The following MDFIC2 variants were observed in gnomAD, a reference collection of about 807,000 sequenced individuals.
The protein encoded by MDFIC2 is myoD family inhibitor domain-containing protein 2.
At chr3:70,248,748 C>G (rs1701731771) in intron 2 of MDFIC2, among the ~76,000 whole-genome samples, 1 of 152,040 alleles carries the variant, frequency 6.6e-6, no homozygotes, top group African/African-American at 2.4e-5. Flanking sequence ...AACTCAACAG[C>G]TCAACATATT....
chr3:70,263,989 T>C (rs1361257911), intron 2 of MDFIC2, among the ~76,000 whole-genome samples: 1 of 152,224 alleles, frequency 6.6e-6, no homozygotes, highest in Middle Eastern at 3.2e-3. Flanking sequence ...CAGGCTCTCC[T>C]ACTCTGTCAT....
chr3:70,306,160 A>G (rs1343614447), intron 2 of MDFIC2, among the ~76,000 whole-genome samples: 2 of 152,048 alleles, frequency 1.3e-5, no homozygotes, highest in East Asian at 1.9e-4. Flanking sequence ...CTGGAGTGCA[A>G]TGGCGTGGTC....
chr3:70,289,117 G>T (rs1196576426), intron 2 of MDFIC2, among the ~76,000 whole-genome samples: 2 of 150,700 alleles, frequency 1.3e-5, no homozygotes, highest in South Asian at 2.1e-4. Context: ...GTTAGCTGGT[G>T]ATTTTGCTCG....
chr3:70,283,440 CA>C (rs892032928), intron 2 of MDFIC2, among the ~76,000 whole-genome samples: 1 of 152,040 alleles, frequency 6.6e-6, no homozygotes, highest in African/African-American at 2.4e-5. Context: ...TAGAATTGTT[CA>C]AAGAGCAAGG....
At position 70,194,582 on chromosome 3, in the gene MDFIC2, G is replaced by A. The variant is rs1301847436; in HGVS notation, c.*2344C>T. 6.6e-6 allele frequency among the ~76,000 whole-genome samples: 1 copy of A among 152,190 alleles called. No individual in the cohort carries two copies. Among genetic ancestry groups the A allele is most frequent in the Non-Finnish European group, 1.5e-5 (1 of 68,036 alleles). On this transcript the variant is annotated 3_prime_UTR_variant, in exon 4 of 4. Transcript: ENST00000567252. ...TTATAGCACAGTGAATTCTGAAAGT[G>A]AGGAACAAAGTTAACAAACCGTGGA...
At chr3:70,303,762 A>T (rs1702373114) in intron 2 of MDFIC2, among the ~76,000 whole-genome samples, 1 of 151,944 alleles carries the variant, frequency 6.6e-6, no homozygotes, top group East Asian at 1.9e-4. Context: ...GCTCACTGCA[A>T]CCTCCGCCTC....
At position 70,194,733 on chromosome 3, in the gene MDFIC2, G is replaced by A. The variant is rs574115861; in HGVS notation, c.*2193C>T. 1.3e-5 allele frequency among the ~76,000 whole-genome samples: 2 copies of A among 152,312 alleles called. No individual in the cohort carries two copies. The highest frequency in any genetic ancestry group is 2.9e-5 in the Non-Finnish European group (2 of 68,030). On this transcript the variant is annotated 3_prime_UTR_variant, in exon 4 of 4. Coordinates refer to ENST00000567252, the MANE Select transcript of MDFIC2 (RefSeq NM_001364677.1). ...GAAATGCACAATCTTTGCATAATTT[G>A]AGGGTATGTAGAGTAGAAAGAATAA...
intron 2 of MDFIC2, among the ~76,000 whole-genome samples, chr3:70,285,753 A>G (rs1275759837): frequency 6.6e-6 from 1 of 151,844 alleles, no homozygotes; most frequent in Non-Finnish European, 1.5e-5. Flanking sequence ...TGCCATTCTA[A>G]CTGGTGTGAG....
chr3:70,242,788 A>C (rs1270056178), intron 2 of MDFIC2, among the ~76,000 whole-genome samples: 1 of 152,164 alleles, frequency 6.6e-6, no homozygotes, highest in Non-Finnish European at 1.5e-5. Context: ...AGAGCTTGGA[A>C]AGTTTACACA....
chr3:70,285,459 G>A (rs1290666234), intron 2 of MDFIC2, among the ~76,000 whole-genome samples: 2 of 151,848 alleles, frequency 1.3e-5, no homozygotes, highest in South Asian at 4.2e-4. Context: ...GTCTATCATT[G>A]TTGGACATTT....
intron 2 of MDFIC2, among the ~76,000 whole-genome samples, chr3:70,266,420 T>C (rs1188895837): frequency 1.3e-5 from 2 of 151,572 alleles, no homozygotes; most frequent in Non-Finnish European, 2.9e-5. Flanking sequence ...TTAAATTATA[T>C]TATTATTTAT....
chr3:70,199,992 G>A (rs1701222694), intron 3 of MDFIC2, among the ~76,000 whole-genome samples: 2 of 152,120 alleles, frequency 1.3e-5, no homozygotes, highest in Non-Finnish European at 2.9e-5. Context: ...TTTTATGGAT[G>A]GCTTCTGAAC....
chr3:70,308,440 T>C lies in MDFIC2; in HGVS notation c.88+3446A>G, dbSNP rs572124544. Among the ~76,000 whole-genome samples the C allele has an allele frequency of 1.4e-3, 211 of 152,226 alleles. 1 individual carries two copies. The highest frequency in any genetic ancestry group is 4.9e-3 in the African/African-American group (204 of 41,546). On this transcript the variant is annotated intron_variant, in intron 2 of 3. Transcript: ENST00000567252. ...CCAAGCATGGTTTTAAAATGAATGA[T>C]TTTTTGGGTCTGTCAATGGTGTTTC...
chr3:70,250,419 A>T (rs1701751192), intron 2 of MDFIC2, among the ~76,000 whole-genome samples: 1 of 49,072 alleles, frequency 2.0e-5, no homozygotes, highest in African/African-American at 4.8e-5. Flanking sequence ...TCTCACACAC[A>T]CACACACACA....
intron 2 of MDFIC2, among the ~76,000 whole-genome samples, chr3:70,286,512 C>T (rs145567688): frequency 0.41 from 61,655 of 149,632 alleles, 13,253 homozygotes; most frequent in East Asian, 0.63. Flanking sequence ...AGCTTTGTTC[C>T]TTTGGCTTAG....
At chr3:70,289,879 C>T (rs201551328) in intron 2 of MDFIC2, among the ~76,000 whole-genome samples, 6,594 of 151,876 alleles carry the variant, frequency 0.043, 219 homozygotes, top group South Asian at 0.078. Context: ...GCATTCTTCA[C>T]GTAGTTCTCG....
At position 70,206,617 on chromosome 3, in the gene MDFIC2, ATGT is replaced by A. The variant is rs1701293024; in HGVS notation, c.259_261del (p.Thr87del). 1.3e-5 allele frequency: 5 copies of A among 397,676 alleles called. No homozygotes were observed. Among genetic ancestry groups the A allele is most frequent in the Non-Finnish European group, 2.2e-5 (5 of 225,538 alleles). The allele number at this position is 397,676 out of a possible 1,614,324, so 24.6% of individuals were successfully genotyped here. On this transcript the variant is annotated inframe_deletion, in exon 3 of 4. Coordinates refer to ENST00000567252, the MANE Select transcript of MDFIC2 (RefSeq NM_001364677.1). ...GAAGTATCAGTTTGGAGGTAAGAAA[ATGT>A]TGTTTGGCATTCTTCAAGGGAGGAC...
chr3:70,257,673 A>G (rs1701829275), intron 2 of MDFIC2, among the ~76,000 whole-genome samples: 1 of 152,220 alleles, frequency 6.6e-6, no homozygotes, highest in Admixed American at 6.5e-5. Context: ...TACCTAAATT[A>G]ATGGAGATAC....
intron 2 of MDFIC2, among the ~76,000 whole-genome samples, chr3:70,207,282 T>C (rs1024579934): frequency 6.6e-6 from 1 of 152,080 alleles, no homozygotes. Context: ...TATAAATGAA[T>C]AGTCTATAAG....
Sources: allele counts gnomAD v4.1 joint callset (sites outside exome capture counted in the v4.1 genomes callset), GRCh38; gene constraint gnomAD v4.1.1; transcripts MANE v1.5; gene names NCBI Gene and HGNC (gene_info 2026-07-23, HGNC 2026-07-21).